NAMPT: variants seen among roughly 807,000 people sequenced by gnomAD.
NAMPT encodes NAmPRTase.
NAMPT carries 7 observed loss-of-function variants against 58.7 expected under a neutral mutation model. The ratio of observed to expected loss-of-function variants is 0.12; its 90% CI spans 0.07 to 0.22. The LOEUF (loss-of-function observed/expected upper bound fraction) is 0.22. Among genes scored for constraint, NAMPT ranks in the 10% least tolerant of loss-of-function variants. The pLI, the probability that NAMPT is intolerant of heterozygous loss-of-function variation, is 1.00. For synonymous variants in NAMPT, 145 were observed against 198.1 expected (o/e 0.73, Z 2.25); for missense variants, 271 against 567.9 (o/e 0.48, Z 5.31).
intron 6 of NAMPT, 114 bp downstream of exon 6, chr7:106,268,350 G>C: frequency 1.1e-6 from 1 of 899,664 alleles, no homozygotes; most frequent in African/African-American, 1.7e-5. Flanking sequence ...TGTTGCTCAA[G>C]TTCATGAAGA....
chr7:106,255,781 A>G (rs1586011551), intron 8 of NAMPT, among the ~76,000 whole-genome samples: 1 of 152,200 alleles, frequency 6.6e-6, no homozygotes, highest in Non-Finnish European at 1.5e-5. Context: ...CCTTTAAATA[A>G]TTGTGAACAA....
At position 106,269,265 on chromosome 7, in the gene NAMPT, A is replaced by G. The variant is rs940498450; in HGVS notation, c.495T>C (p.Ser165=). The part of the protein sequence containing the change: ...SWYPITVATN[S]REQKKILAKY... The stretch of plus-strand genomic sequence containing the variant: ...TGGCCAATATTTTCTTCTGCTCTCT[A>G]GAATTTGTGGCCACTGTGATTGGAT... The change falls in exon 5 of 11, where the codon TCT becomes TCC. Residue 165 remains serine, a synonymous_variant. Transcript: ENST00000222553. 1 of 1,613,718 alleles carries G rather than the reference A, an allele frequency of 6.2e-7. No individual in the cohort carries two copies. The highest frequency in any genetic ancestry group is 8.5e-7 in the Non-Finnish European group (1 of 1,179,676).
intron 6 of NAMPT, 90 bp from the exon 7 acceptor site, chr7:106,263,707 C>G: frequency 1.1e-6 from 1 of 926,320 alleles, no homozygotes; most frequent in Non-Finnish European, 1.7e-6. Flanking sequence ...GTTTACTATA[C>G]CAAACCATCA....
chr7:106,262,968 T>G (rs1792336550), intron 7 of NAMPT, among the ~76,000 whole-genome samples: 1 of 152,032 alleles, frequency 6.6e-6, no homozygotes, highest in South Asian at 2.1e-4. Flanking sequence ...AACCTCCACT[T>G]GAAGAGTATT....
intron 8 of NAMPT, among the ~76,000 whole-genome samples, chr7:106,256,959 T>C (rs983152051): frequency 2.3e-4 from 35 of 151,956 alleles, no homozygotes; most frequent in Admixed American, 7.9e-4. Flanking sequence ...GCAGATCACC[T>C]GAGGTCAGCA....
At chr7:106,275,266 G>C (rs1208268458) in intron 2 of NAMPT, 18 of 325,252 alleles carry the variant, frequency 5.5e-5, no homozygotes, top group Non-Finnish European at 5.6e-6. Context: ...TGTAAAAGCA[G>C]ATGTGTAATA....
At chr7:106,260,171 T>G (rs879316476) in intron 8 of NAMPT, among the ~76,000 whole-genome samples, 4 of 152,236 alleles carry the variant, frequency 2.6e-5, no homozygotes, top group Non-Finnish European at 4.4e-5. Context: ...CGGCACCTTC[T>G]TCCAATGGAA....
At chr7:106,256,333 A>G (rs1792199036) in intron 8 of NAMPT, among the ~76,000 whole-genome samples, 2 of 152,372 alleles carry the variant, frequency 1.3e-5, no homozygotes, top group South Asian at 4.1e-4. Context: ...TTACACTGTC[A>G]ACCTCATGGG....
chr7:106,280,257 A>T (rs754448256), intron 1 of NAMPT, among the ~76,000 whole-genome samples: 1 of 152,182 alleles, frequency 6.6e-6, no homozygotes, highest in Non-Finnish European at 1.5e-5. Context: ...TGGATGTGGA[A>T]GATGATAATG....
At chr7:106,268,680 T>A (rs1792474143) in intron 5 of NAMPT, 80 bp from the exon 6 acceptor site, 2 of 964,372 alleles carry the variant, frequency 2.1e-6, no homozygotes, top group Non-Finnish European at 3.4e-6. Flanking sequence ...CAACCACATT[T>A]AAGGAATATA....
At chr7:106,255,099 G>A (rs936486362) in intron 8 of NAMPT, among the ~76,000 whole-genome samples, 10 of 152,242 alleles carry the variant, frequency 6.6e-5, no homozygotes, top group Admixed American at 5.9e-4. Context: ...CACAGGTGCT[G>A]TGGGTGTTAA....
chr7:106,277,535 A>G (rs1792672329), intron 1 of NAMPT, among the ~76,000 whole-genome samples: 1 of 152,228 alleles, frequency 6.6e-6, no homozygotes, highest in South Asian at 2.1e-4. Flanking sequence ...AATGAACTGA[A>G]AGACAGCAGA....
chr7:106,276,855 A>AAAC, intron 2 of NAMPT, 168 bp downstream of exon 2: 7 of 516,140 alleles, frequency 1.4e-5, no homozygotes, highest in Non-Finnish European at 2.0e-5. Flanking sequence ...AAAAAAAAAA[A>AAAC]AAACCTTTTA....
At chr7:106,267,866 A>AAAAAAAACAAAC (rs1792453451) in intron 6 of NAMPT, among the ~76,000 whole-genome samples, 1 of 133,566 alleles carries the variant, frequency 7.5e-6, no homozygotes, top group Non-Finnish European at 1.7e-5. Flanking sequence ...AAAAAAAAAA[A>AAAAAAAACAAAC]AAAAAAAAAA....
At position 106,284,885 on chromosome 7, in the gene NAMPT, C is replaced by T. The variant is rs1039587449; in HGVS notation, c.-1G>A. On this transcript the variant is annotated 5_prime_UTR_variant, in exon 1 of 11. Coordinates refer to ENST00000222553, the MANE Select transcript of NAMPT (RefSeq NM_005746.3). ...ACTCGGCTTCTGCCGCAGGATTCAT[C>T]TCGGGCCGGAGGACAGGGGCCGCGC... 5 of 1,584,238 alleles carry T rather than the reference C, an allele frequency of 3.2e-6. No homozygotes were observed. The highest frequency in any genetic ancestry group is 4.3e-6 in the Non-Finnish European group (5 of 1,164,512).
chr7:106,280,411 T>G (rs1229989847), intron 1 of NAMPT, among the ~76,000 whole-genome samples: 1 of 152,212 alleles, frequency 6.6e-6, no homozygotes, highest in African/African-American at 2.4e-5. Flanking sequence ...ACAAAAAGTT[T>G]CATAGTATTC....
In NAMPT at chr7:106,255,135, T is replaced by C. The variant is rs572577205; in HGVS notation, c.1090-631A>G. 2.6e-5 allele frequency among the ~76,000 whole-genome samples: 4 copies of C among 152,296 alleles called. No individual in the cohort carries two copies. In the East Asian group the frequency reaches 7.7e-4, roughly 29 times the overall value. ...GATTACTGTATCATTTTTGGGAGAA[T>C]GATTAGTTATAAACCAGCTAGAGAG... On this transcript the variant is annotated intron_variant, in intron 8 of 10. Transcript: ENST00000222553.
At chr7:106,257,296 A>G (rs956809589) in intron 8 of NAMPT, among the ~76,000 whole-genome samples, 9 of 152,082 alleles carry the variant, frequency 5.9e-5, no homozygotes, top group Non-Finnish European at 1.5e-5. Context: ...ATTCATGTAC[A>G]GTTTTGGGCT....
chr7:106,268,789 A>T (rs1215945218), intron 5 of NAMPT, among the ~76,000 whole-genome samples, 189 bp from the exon 6 acceptor site: 2 of 152,202 alleles, frequency 1.3e-5, no homozygotes, highest in East Asian at 3.8e-4. Flanking sequence ...TAAATATTTT[A>T]AAAAATCAAC....
Sources: gnomAD v4.1 joint callset for allele counts (sites outside exome capture counted in the v4.1 genomes callset) on GRCh38, gnomAD v4.1.1 for gene constraint, MANE v1.5 for transcripts, NCBI Gene and HGNC (gene_info 2026-07-23, HGNC 2026-07-21) for gene names.